The following RIMS2 variants were observed in gnomAD, a reference collection of about 807,000 sequenced individuals.
The protein encoded by RIMS2 is regulating synaptic membrane exocytosis 2.
Under a neutral mutation model 174.4 loss-of-function variants are expected in RIMS2, and 59 were observed. The ratio of observed to expected loss-of-function variants is 0.34; its 90% confidence interval spans 0.27 to 0.42. The LOEUF is 0.42. Ranked by LOEUF, RIMS2 falls within the 10% of genes least tolerant of loss-of-function variation. The pLI is 1.00. For missense variants in RIMS2, 1,620 were observed against 1,666.3 expected (o/e 0.97, Z 0.48); for synonymous variants, 606 against 572.5 (o/e 1.06, Z -0.84).
intron 1 of RIMS2, among the ~76,000 whole-genome samples, chr8:103,661,928 T>G (rs1165021915): frequency 6.6e-6 from 1 of 152,244 alleles, no homozygotes; most frequent in Non-Finnish European, 1.5e-5. Flanking sequence ...GAAATTTCAC[T>G]TGTTATTTCT....
chr8:103,522,815 T>C (rs1372119572), intron 1 of RIMS2, among the ~76,000 whole-genome samples: 1 of 152,176 alleles, frequency 6.6e-6, no homozygotes, highest in East Asian at 1.9e-4. Context: ...AACTTACTTT[T>C]TGTGGAGACT....
chr8:104,248,932 TA>T, intron 21 of RIMS2, 119 bp downstream of exon 27: 1 of 493,546 alleles, frequency 2.0e-6, no homozygotes, highest in South Asian at 2.2e-5. Context: ...TCTCTCCCTC[TA>T]TTTTTTTTTT....
At chr8:104,119,309 C>T (rs1241143190) in intron 19 of RIMS2, among the ~76,000 whole-genome samples, 2 of 151,730 alleles carry the variant, frequency 1.3e-5, no homozygotes, top group South Asian at 2.1e-4. Flanking sequence ...GGCAGTGAGC[C>T]GAGATCGCGC....
intron 19 of RIMS2, among the ~76,000 whole-genome samples, chr8:104,164,372 T>G (rs553923834): frequency 6.6e-6 from 1 of 151,982 alleles, no homozygotes; most frequent in East Asian, 1.9e-4. Flanking sequence ...ATTTAAGAAA[T>G]CTGCATTCAT....
At chr8:104,214,112 A>G (rs2099118737) in intron 19 of RIMS2, among the ~76,000 whole-genome samples, 1 of 152,190 alleles carries the variant, frequency 6.6e-6, no homozygotes, top group East Asian at 1.9e-4. Context: ...TGCCAAGCAG[A>G]GGAATCCAAG....
chr8:103,643,023 G>T (rs1387530295), intron 1 of RIMS2, among the ~76,000 whole-genome samples: 1 of 151,778 alleles, frequency 6.6e-6, no homozygotes, highest in Non-Finnish European at 1.5e-5. Context: ...TTCTCCATCT[G>T]CTATTCCCAT....
intron 17 of RIMS2, among the ~76,000 whole-genome samples, chr8:104,011,295 T>C (rs1362195089): frequency 6.6e-6 from 1 of 152,166 alleles, no homozygotes; most frequent in African/African-American, 2.4e-5. Context: ...AATTTCTACC[T>C]TCTACTGTGG....
chr8:104,208,120 C>T (rs2099088931), intron 19 of RIMS2, among the ~76,000 whole-genome samples: 1 of 152,028 alleles, frequency 6.6e-6, no homozygotes, highest in Non-Finnish European at 1.5e-5. Flanking sequence ...TTTTGTTAAA[C>T]AAGCACTGGA....
At chr8:103,980,466 G>A (rs1440184449) in intron 16 of RIMS2, among the ~76,000 whole-genome samples, 1 of 152,182 alleles carries the variant, frequency 6.6e-6, no homozygotes, top group Non-Finnish European at 1.5e-5. Flanking sequence ...GCTCTGAGAT[G>A]TGCAGGCTTC....
At chr8:104,036,018 T>A (rs1271051449) in intron 19 of RIMS2, among the ~76,000 whole-genome samples, 1 of 152,148 alleles carries the variant, frequency 6.6e-6, no homozygotes, top group Non-Finnish European at 1.5e-5. Flanking sequence ...TCATTTAAAA[T>A]TAGTTCAGTT....
rs752898404 is a variant in RIMS2, at chr8:103,912,102, G to T, written c.1742G>T (p.Arg581Leu). 1.9e-6 allele frequency: 3 copies of T among 1,605,312 alleles called. No homozygotes were observed. Among genetic ancestry groups the T allele is most frequent in the East Asian group, 2.2e-5 (1 of 44,572 alleles). ...AAAGATGGAGATCGTTTAATTGGTCGCATTTTATTAAATAAGCGTCTAAAA... is the reference window on the plus strand; with the variant it reads ...AAAGATGGAGATCGTTTAATTGGTCTCATTTTATTAAATAAGCGTCTAAAA... The change falls in exon 6 of 24, where the codon CGC becomes CTC. Residue 581 changes from arginine to leucine, a missense_variant. Transcript: ENST00000504942.
At chr8:103,644,379 T>C (rs918975290) in intron 1 of RIMS2, among the ~76,000 whole-genome samples, 7 of 102,156 alleles carry the variant, frequency 6.9e-5, no homozygotes, top group African/African-American at 3.1e-4. Flanking sequence ...TCAGTTCAGC[T>C]TTTTTTCTCA....
intron 19 of RIMS2, among the ~76,000 whole-genome samples, chr8:104,188,575 T>G (rs752947448): frequency 6.6e-6 from 1 of 151,846 alleles, no homozygotes; most frequent in Non-Finnish European, 1.5e-5. Context: ...ATAAGAGGTA[T>G]TCAATGTTTT....
chr8:103,893,879 G>A (rs2099262247), intron 4 of RIMS2, among the ~76,000 whole-genome samples: 1 of 151,980 alleles, frequency 6.6e-6, no homozygotes, highest in African/African-American at 2.4e-5. Context: ...ACAGTGTTTT[G>A]AGTAGCATGC....
At chr8:104,214,270 T>C (rs764661041) in intron 19 of RIMS2, among the ~76,000 whole-genome samples, 4 of 152,232 alleles carry the variant, frequency 2.6e-5, no homozygotes. Flanking sequence ...CTGTTTTTCT[T>C]GGGTAATAGT....
At chr8:103,981,776 G>A (rs2093924188) in intron 16 of RIMS2, among the ~76,000 whole-genome samples, 1 of 151,914 alleles carries the variant, frequency 6.6e-6, no homozygotes, top group Non-Finnish European at 1.5e-5. Context: ...CTTCAGAGCA[G>A]AATAGATCAA....
intron 1 of RIMS2, among the ~76,000 whole-genome samples, chr8:103,538,355 A>T (rs539176656): frequency 2.0e-5 from 3 of 152,076 alleles, no homozygotes; most frequent in African/African-American, 2.4e-5. Context: ...TCCGTAAGTT[A>T]TTGGGATACA....
At chr8:103,910,882 G>T (rs2075544727) in intron 5 of RIMS2, among the ~76,000 whole-genome samples, 1 of 152,284 alleles carries the variant, frequency 6.6e-6, no homozygotes, top group African/African-American at 2.4e-5. Context: ...TTGATTGTTT[G>T]CATATATTTT....
chr8:103,921,977 T>C, intron 10 of RIMS2, 193 bp downstream of exon 13: 1 of 318,298 alleles, frequency 3.1e-6, no homozygotes, highest in South Asian at 7.4e-5. Context: ...AAGAGTTAGA[T>C]TTACTGAAAT....
Sources: gnomAD v4.1 joint callset for allele counts (sites outside exome capture counted in the v4.1 genomes callset) on GRCh38, gnomAD v4.1.1 for gene constraint, MANE v1.5 for transcripts, NCBI Gene and HGNC (gene_info 2026-07-23, HGNC 2026-07-21) for gene names.